The following FOXO1 variants were observed in gnomAD, a reference collection of about 807,000 sequenced individuals.
The protein encoded by FOXO1 is forkhead box O1, also known as forkhead box protein O1.
Under a neutral mutation model 44.1 loss-of-function variants are expected in FOXO1, and 6 were observed. That is an observed-to-expected ratio of 0.14 (90% confidence interval 0.07 to 0.27). The LOEUF (loss-of-function observed/expected upper bound fraction) is 0.27. FOXO1 is among the 10% of genes least tolerant of loss of function. The pLI is 1.00. For synonymous variants in FOXO1, 380 were observed against 362.7 expected (o/e 1.05, Z -0.54); for missense variants, 737 against 888.8 (o/e 0.83, Z 2.17).
chr13:40,620,418 A>T, intron 1 of FOXO1: 1 of 659,224 alleles, frequency 1.5e-6, no homozygotes, highest in South Asian at 1.6e-5. Context: ...TCTTCCTAGG[A>T]TTTCTGAGAA....
chr13:40,658,435 C>G (rs1877924314), intron 1 of FOXO1, among the ~76,000 whole-genome samples: 1 of 152,152 alleles, frequency 6.6e-6, no homozygotes, highest in South Asian at 2.1e-4. Flanking sequence ...AATGAGCCAT[C>G]TGAGGGCAGG....
chr13:40,593,821 C>A (rs901893176), intron 1 of FOXO1, among the ~76,000 whole-genome samples: 15 of 152,148 alleles, frequency 9.9e-5, no homozygotes, highest in African/African-American at 3.4e-4. Flanking sequence ...ATAGATATTT[C>A]ATTGGCTTTC....
chr13:40,622,701 A>G (rs1204058545), intron 1 of FOXO1, among the ~76,000 whole-genome samples: 1 of 152,214 alleles, frequency 6.6e-6, no homozygotes, highest in Non-Finnish European at 1.5e-5. Context: ...ATGATGAGAT[A>G]GTACACAGAA....
chr13:40,577,647 G>A (rs1460431851), intron 1 of FOXO1, among the ~76,000 whole-genome samples: 1 of 152,110 alleles, frequency 6.6e-6, no homozygotes, highest in Non-Finnish European at 1.5e-5. Flanking sequence ...CCTCCTACTA[G>A]GATCATTTTA....
chr13:40,610,763 A>T (rs1303862571), intron 1 of FOXO1, among the ~76,000 whole-genome samples: 1 of 152,270 alleles, frequency 6.6e-6, no homozygotes, highest in Non-Finnish European at 1.5e-5. Flanking sequence ...TAGCTCACAA[A>T]TATCTAGAAG....
rs187629599 is a variant in FOXO1 at position 40,609,716 on chromosome 13, A to G, written c.631-48856T>C. On this transcript the variant is annotated intron_variant, in intron 1 of 2. Transcript: ENST00000379561. ...AAAGAAATTCTTCAGGGTGGGGGGG[A>G]AAAAAATTCCTCAAGGCCCAGGATT... 2.5e-3 allele frequency among the ~76,000 whole-genome samples: 375 copies of G among 151,350 alleles called. 3 individuals carry two copies. Among genetic ancestry groups the G allele is most frequent in the Middle Eastern group, 3.4e-3 (1 of 294 alleles).
At chr13:40,586,398 A>G (rs1270926263) in intron 1 of FOXO1, among the ~76,000 whole-genome samples, 1 of 152,188 alleles carries the variant, frequency 6.6e-6, no homozygotes, top group African/African-American at 2.4e-5. Context: ...CAAAAGCCCA[A>G]TAAAATGGTG....
At chr13:40,641,212 A>G (rs1173664772) in intron 1 of FOXO1, among the ~76,000 whole-genome samples, 2 of 152,078 alleles carry the variant, frequency 1.3e-5, no homozygotes, top group East Asian at 3.9e-4. Context: ...CCAACAGTGA[A>G]GCCAACTAAA....
At chr13:40,646,734 C>T (rs1042454437) in intron 1 of FOXO1, among the ~76,000 whole-genome samples, 10 of 152,144 alleles carry the variant, frequency 6.6e-5, no homozygotes, top group African/African-American at 1.9e-4. Flanking sequence ...GCCGGGATTA[C>T]AGACATGTGC....
intron 1 of FOXO1, among the ~76,000 whole-genome samples, chr13:40,643,682 A>T (rs1197081117): frequency 6.6e-6 from 1 of 152,064 alleles, no homozygotes; most frequent in African/African-American, 2.4e-5. Flanking sequence ...TTTGGTTCTG[A>T]TCTTATGTTT....
chr13:40,663,062 CAACT>C (rs1240752657), intron 1 of FOXO1, among the ~76,000 whole-genome samples: 2 of 152,144 alleles, frequency 1.3e-5, no homozygotes, highest in East Asian at 3.8e-4. Flanking sequence ...AGACTTAAAC[CAACT>C]GACATTACAC....
At chr13:40,597,105 A>G (rs1222434935) in intron 1 of FOXO1, among the ~76,000 whole-genome samples, 2 of 152,226 alleles carry the variant, frequency 1.3e-5, no homozygotes, top group Non-Finnish European at 2.9e-5. Context: ...AGTATTGATC[A>G]CACGGGGGAG....
rs2137818356 is a variant in FOXO1 at position 40,557,827 on chromosome 13, A to G, written c.*1222T>C. The G allele has an allele frequency of 6.6e-6, 1 of 152,332 alleles. No homozygotes were observed. The highest frequency in any genetic ancestry group is 1.9e-4 in the East Asian group (1 of 5,194). The allele number at this position is 152,332 out of a possible 1,614,324, so 9.4% of individuals were successfully genotyped here. On this transcript the variant is annotated 3_prime_UTR_variant, in exon 3 of 3. Coordinates refer to ENST00000379561, the MANE Select transcript of FOXO1 (RefSeq NM_002015.4). ...TTTAGATGCAGATCTCCCTTTTCTG[A>G]TCTACAAACATTATGAGGCCTCCCA...
intron 1 of FOXO1, among the ~76,000 whole-genome samples, chr13:40,598,987 G>A (rs1875707302): frequency 6.6e-6 from 1 of 152,082 alleles, no homozygotes; most frequent in African/African-American, 2.4e-5. Context: ...CTTGTTTGTT[G>A]TATGAAACAC....
At chr13:40,620,799 CTT>C (rs111991105) in intron 1 of FOXO1, among the ~76,000 whole-genome samples, 18 of 121,196 alleles carry the variant, frequency 1.5e-4, no homozygotes, top group Admixed American at 2.7e-4. Flanking sequence ...CTTCCCCTTG[CTT>C]TTTTTTTTTT....
intron 1 of FOXO1, chr13:40,620,601 C>A: frequency 2.3e-6 from 1 of 429,890 alleles, no homozygotes. Flanking sequence ...GCATTGAGAA[C>A]TGAGTAACCT....
At chr13:40,662,153 AGAGT>A (rs2086354383) in intron 1 of FOXO1, among the ~76,000 whole-genome samples, 1 of 144,194 alleles carries the variant, frequency 6.9e-6, no homozygotes, top group Non-Finnish European at 1.5e-5. Flanking sequence ...CCTGGGCAAC[AGAGT>A]GAGACTCTGA....
chr13:40,585,252 G>C (rs1353221213), intron 1 of FOXO1, among the ~76,000 whole-genome samples: 1 of 152,068 alleles, frequency 6.6e-6, no homozygotes, highest in Admixed American at 6.5e-5. Flanking sequence ...AGAGTTAAGA[G>C]AATAAGGAAT....
At chr13:40,616,643 C>T (rs771379138) in intron 1 of FOXO1, among the ~76,000 whole-genome samples, 2 of 152,104 alleles carry the variant, frequency 1.3e-5, no homozygotes, top group Non-Finnish European at 2.9e-5. Flanking sequence ...CTGGAGGTAT[C>T]GGAAGCTACT....
Sources: gnomAD v4.1 joint callset for allele counts (sites outside exome capture counted in the v4.1 genomes callset) on GRCh38, gnomAD v4.1.1 for gene constraint, MANE v1.5 for transcripts, NCBI Gene and HGNC (gene_info 2026-07-23, HGNC 2026-07-21) for gene names.